Variants in ANKRD36B observed in about 807,000 individuals in gnomAD.
ANKRD36B encodes the protein ankyrin repeat domain 36B, also known as ankyrin repeat domain-containing protein 36B.
A neutral mutation model predicts 135.7 loss-of-function variants in ANKRD36B; 37 were observed. That is an observed-to-expected ratio of 0.27 (90% CI 0.21 to 0.36). The LOEUF is 0.36. Among genes scored for constraint, ANKRD36B ranks in the 10% least tolerant of loss-of-function variants. ANKRD36B has a pLI of 1.00. For missense variants in ANKRD36B, 549 were observed against 1,037.1 expected (o/e 0.53, Z 6.46); for synonymous variants, 179 against 348.1 (o/e 0.51, Z 5.41).
chr2:97,585,593 G>A (rs1211656541), intron 1 of ANKRD36B, among the ~76,000 whole-genome samples, 195 bp from the exon 2 acceptor site: 1 of 152,162 alleles, frequency 6.6e-6, no homozygotes, highest in African/African-American at 2.4e-5. Flanking sequence ...CAGTTTAATT[G>A]GGGCTTAAAA....
At chr2:97,569,650 G>C (rs1426144287) in intron 6 of ANKRD36B, among the ~76,000 whole-genome samples, 1 of 150,364 alleles carries the variant, frequency 6.7e-6, no homozygotes, top group African/African-American at 2.5e-5. Context: ...TGAACGTGAG[G>C]GGGGATGGCG....
At chr2:97,549,972 T>C (rs1355886364) in intron 18 of ANKRD36B, among the ~76,000 whole-genome samples, 1 of 151,954 alleles carries the variant, frequency 6.6e-6, no homozygotes, top group Non-Finnish European at 1.5e-5. Context: ...AGGTGCTACA[T>C]GATCCCACAT....
At chr2:97,574,962 A>ATGTT (rs1473634168) in intron 6 of ANKRD36B, among the ~76,000 whole-genome samples, 4 of 152,244 alleles carry the variant, frequency 2.6e-5, no homozygotes, top group Admixed American at 6.5e-5. Context: ...ATATTTGGAC[A>ATGTT]ACAGACATAC....
chr2:97,582,972 T>C (rs1314751978), intron 3 of ANKRD36B, among the ~76,000 whole-genome samples: 11 of 152,090 alleles, frequency 7.2e-5, no homozygotes, highest in Non-Finnish European at 1.3e-4. Context: ...GTTTCTATAT[T>C]GTAACCTAAT....
At position 97,528,903 on chromosome 2, in the gene ANKRD36B, C is replaced by A. The variant is rs1347341252; in HGVS notation, c.2265+3408G>T. On this transcript the variant is annotated intron_variant, in intron 35 of 43. Transcript: ENST00000359901. ...CCAATAACAGGCTCTGAAATTGTGG[C>A]AATAATCAATAGCTTACCAACCAAA... 2.1e-5 allele frequency among the ~76,000 whole-genome samples: 2 copies of A among 95,900 alleles called. 1 individual carries two copies. Among genetic ancestry groups the A allele is most frequent in the Non-Finnish European group, 5.6e-5 (2 of 36,006 alleles). The allele number at this position is 95,900 out of a possible 152,430, so 62.9% of individuals were successfully genotyped here. A position where few individuals can be genotyped will look rare whatever the true frequency, so the allele number is the denominator to read the frequency against.
At chr2:97,575,514 C>T (rs954185772) in intron 6 of ANKRD36B, among the ~76,000 whole-genome samples, 15 of 151,014 alleles carry the variant, frequency 9.9e-5, no homozygotes, top group Non-Finnish European at 1.9e-4. Flanking sequence ...TAATGTTTTA[C>T]ATTCAATGTT....
At chr2:97,513,935 T>C (rs2077677730) in intron 37 of ANKRD36B, among the ~76,000 whole-genome samples, 1 of 121,006 alleles carries the variant, frequency 8.3e-6, no homozygotes, top group Non-Finnish European at 1.6e-5. Flanking sequence ...AGCTTTGAGT[T>C]GGCCTGCCTT....
At chr2:97,564,326 C>G (rs957581401) in intron 6 of ANKRD36B, among the ~76,000 whole-genome samples, 1 of 152,032 alleles carries the variant, frequency 6.6e-6, no homozygotes, top group African/African-American at 2.4e-5. Flanking sequence ...TTTTAAAACT[C>G]AGAGGTACCC....
chr2:97,566,268 C>G (rs1365409433), intron 6 of ANKRD36B, among the ~76,000 whole-genome samples: 1 of 152,054 alleles, frequency 6.6e-6, no homozygotes, highest in Middle Eastern at 3.2e-3. Flanking sequence ...TTGCAGTGAG[C>G]CGAGATTGTG....
In ANKRD36B at chr2:97,525,799, T is replaced by TGCTAG. The variant is rs1341854922; in HGVS notation, c.2266-2337_2266-2333dup. Among the ~76,000 whole-genome samples the TGCTAG allele has an allele frequency of 2.0e-5, 2 of 97,950 alleles. 1 individual carries two copies. The highest frequency in any genetic ancestry group is 5.5e-5 in the Non-Finnish European group (2 of 36,598). 64.3% of individuals were successfully genotyped at this position (97,950 alleles called of 152,430 possible). ...CCTATGCCCATTGAGTCTCACTGATTGCTAGCACAGCAGTCTGAGATCAAA... is the reference window on the plus strand; with the variant it reads ...CCTATGCCCATTGAGTCTCACTGATTGCTAGGCTAGCACAGCAGTCTGAGATCAAA... On this transcript the variant is annotated intron_variant, in intron 35 of 43. Transcript: ENST00000359901.
intron 10 of ANKRD36B, among the ~76,000 whole-genome samples, chr2:97,558,142 G>A (rs1225142073): frequency 6.6e-6 from 1 of 151,898 alleles, no homozygotes; most frequent in African/African-American, 2.4e-5. Flanking sequence ...TATCTCTGAT[G>A]CCCAACAGTA....
chr2:97,584,419 A>G (rs1444449826), intron 3 of ANKRD36B, among the ~76,000 whole-genome samples: 1 of 148,068 alleles, frequency 6.8e-6, no homozygotes. Flanking sequence ...TAGCTTGTGC[A>G]TTTCTGATTG....
chr2:97,531,153 A>G (rs1441445354), intron 35 of ANKRD36B, among the ~76,000 whole-genome samples: 1 of 91,276 alleles, frequency 1.1e-5, no homozygotes, highest in Non-Finnish European at 2.9e-5. Context: ...CTTGGAACCA[A>G]CCCAAATGTC....
chr2:97,496,064 C>CA lies in ANKRD36B; in HGVS notation c.*7-3210dup, dbSNP rs1463294376. ...CAAACAGTAAACTAAGCTGTGAATG[C>CA]AAAAAAAAAAAAGTTCTTAAAGGAA... On this transcript the variant is annotated intron_variant, in intron 43 of 43. Transcript: ENST00000359901. Among the ~76,000 whole-genome samples, 326 of 81,850 alleles carry CA rather than the reference C, an allele frequency of 4.0e-3. 12 individuals carry two copies. Among genetic ancestry groups the CA allele is most frequent in the Non-Finnish European group, 5.2e-3 (142 of 27,480 alleles). 53.7% of individuals were successfully genotyped at this position (81,850 alleles called of 152,430 possible). A position where few individuals can be genotyped will look rare whatever the true frequency, so the allele number is the denominator to read the frequency against.
intron 26 of ANKRD36B, among the ~76,000 whole-genome samples, chr2:97,543,083 T>G (rs2079227665): frequency 6.6e-6 from 1 of 152,126 alleles, no homozygotes; most frequent in South Asian, 2.1e-4. Flanking sequence ...TTTCTATAAC[T>G]AAAATCAACA....
chr2:97,546,973 T>A (rs1167064331), intron 22 of ANKRD36B, among the ~76,000 whole-genome samples: 3 of 151,678 alleles, frequency 2.0e-5, no homozygotes, highest in African/African-American at 7.3e-5. Flanking sequence ...ATAACTTTTA[T>A]GAAAATATTC....
At chr2:97,583,677 G>C (rs1351573560) in intron 3 of ANKRD36B, among the ~76,000 whole-genome samples, 1 of 148,646 alleles carries the variant, frequency 6.7e-6, no homozygotes, top group Non-Finnish European at 1.5e-5. Flanking sequence ...GTCTTAATCT[G>C]TTGCTCTGGC....
In ANKRD36B at chr2:97,514,880, A is replaced by G. The variant is rs1257889054; in HGVS notation, c.2621+852T>C. Among the ~76,000 whole-genome samples, 3 of 87,734 alleles carry G rather than the reference A, an allele frequency of 3.4e-5. 1 individual carries two copies. The highest frequency in any genetic ancestry group is 1.1e-4 in the African/African-American group (3 of 28,472). The allele number at this position is 87,734 out of a possible 152,430, so 57.6% of individuals were successfully genotyped here. Reference sequence around the variant, plus strand: ...TTACATTTTACTTTTTATTCCCTGCATATTAAGAATAAAACTGGATACATT... The same window carrying G: ...TTACATTTTACTTTTTATTCCCTGCGTATTAAGAATAAAACTGGATACATT... On this transcript the variant is annotated intron_variant, in intron 37 of 43. Transcript: ENST00000359901.
intron 4 of ANKRD36B, 95 bp downstream of exon 4, chr2:97,580,367 T>A: frequency 8.9e-7 from 1 of 1,118,772 alleles, no homozygotes. Flanking sequence ...AAGTTAGTCT[T>A]CTTACTAATG....
Sources: allele counts gnomAD v4.1 joint callset (sites outside exome capture counted in the v4.1 genomes callset), GRCh38; gene constraint gnomAD v4.1.1; transcripts MANE v1.5; gene names NCBI Gene and HGNC (gene_info 2026-07-23, HGNC 2026-07-21).